The following PRR16 variants were observed in gnomAD, a reference collection of about 807,000 sequenced individuals.
PRR16 encodes the protein proline rich 16.
In PRR16, 6 loss-of-function variants were observed where a neutral mutation model predicts 18.2. The observed-to-expected ratio is 0.33, with a 90% confidence interval of 0.18 to 0.65. PRR16 has a LOEUF of 0.65. Ranked by LOEUF, PRR16 falls within the 30% of genes least tolerant of loss-of-function variation. The pLI is 0.74. For missense variants in PRR16, 412 were observed against 376.6 expected (o/e 1.09, Z -0.78); for synonymous variants, 151 against 147.8 (o/e 1.02, Z -0.16).
At chr5:120,557,756 T>A (rs1752461070) in intron 1 of PRR16, among the ~76,000 whole-genome samples, 1 of 151,934 alleles carries the variant, frequency 6.6e-6, no homozygotes. Flanking sequence ...AAAAGCAATA[T>A]GAACCATATC....
chr5:120,498,468 TTTATA>T (rs2112839053), intron 1 of PRR16, among the ~76,000 whole-genome samples: 1 of 151,590 alleles, frequency 6.6e-6, no homozygotes, highest in South Asian at 2.1e-4. Context: ...CTTTCTTTCA[TTTATA>T]TTATATTTGC....
intron 1 of PRR16, among the ~76,000 whole-genome samples, chr5:120,504,953 G>T (rs1243556222): frequency 6.6e-6 from 1 of 152,134 alleles, no homozygotes; most frequent in Non-Finnish European, 1.5e-5. Context: ...AGGAGGGGTT[G>T]ATAATAGAAG....
the PRR16 span, among the ~76,000 whole-genome samples, chr5:120,765,343 A>C: frequency 2.0e-5 from 3 of 152,052 alleles, no homozygotes; most frequent in Non-Finnish European, 2.9e-5. Flanking sequence ...GTCCCTTGGA[A>C]GTCTCTTACG....
At chr5:120,497,965 G>A (rs537381925) in intron 1 of PRR16, among the ~76,000 whole-genome samples, 152 of 151,532 alleles carry the variant, frequency 1.0e-3, no homozygotes, top group Non-Finnish European at 1.8e-3. Context: ...ACAGAATATA[G>A]TCATCCATTT....
intron 1 of PRR16, among the ~76,000 whole-genome samples, chr5:120,605,572 G>A (rs1038622176): frequency 1.3e-5 from 2 of 152,154 alleles, no homozygotes; most frequent in Admixed American, 6.5e-5. Flanking sequence ...GTGTGGTCAC[G>A]TGGAGGTTAG....
chr5:120,493,364 A>T (rs749682512), intron 1 of PRR16, among the ~76,000 whole-genome samples: 3 of 152,046 alleles, frequency 2.0e-5, no homozygotes, highest in Non-Finnish European at 4.4e-5. Context: ...TTTTTTTGAG[A>T]AATGTGATTG....
At chr5:120,552,679 A>G (rs527580230) in intron 1 of PRR16, among the ~76,000 whole-genome samples, 14 of 152,046 alleles carry the variant, frequency 9.2e-5, no homozygotes, top group Admixed American at 2.6e-4. Context: ...GTTGTGGAGC[A>G]TCCTTGTGGA....
intron 1 of PRR16, among the ~76,000 whole-genome samples, chr5:120,624,472 A>C (rs76991166): frequency 6.6e-6 from 1 of 152,106 alleles, no homozygotes; most frequent in Non-Finnish European, 1.5e-5. Context: ...TCTACTTCTA[A>C]AAGAGATAGC....
At chr5:120,643,182 G>A (rs1246705892) in intron 1 of PRR16, among the ~76,000 whole-genome samples, 3 of 126,532 alleles carry the variant, frequency 2.4e-5, no homozygotes, top group Non-Finnish European at 3.5e-5. Context: ...AGACATACAG[G>A]TTTTCTAAAA....
chr5:120,508,625 A>G (rs754272489), intron 1 of PRR16, among the ~76,000 whole-genome samples: 5 of 152,108 alleles, frequency 3.3e-5, no homozygotes, highest in Non-Finnish European at 7.4e-5. Flanking sequence ...TGTAGGGCTC[A>G]ATCTTCTCCA....
At chr5:120,756,759 T>C in the PRR16 span, among the ~76,000 whole-genome samples, 3 of 152,128 alleles carry the variant, frequency 2.0e-5, 1 homozygote, top group South Asian at 4.1e-4. Flanking sequence ...GTTGACTGCA[T>C]TGATAGTTTC....
At chr5:120,721,589 G>A in the PRR16 span, among the ~76,000 whole-genome samples, 4 of 152,142 alleles carry the variant, frequency 2.6e-5, no homozygotes, top group Admixed American at 6.6e-5. Context: ...AGAAAGAACA[G>A]GGAGGTCAGT....
chr5:120,652,089 A>G (rs1462949313), intron 1 of PRR16, among the ~76,000 whole-genome samples: 1 of 151,982 alleles, frequency 6.6e-6, no homozygotes, highest in Non-Finnish European at 1.5e-5. Flanking sequence ...TTATTTTTAT[A>G]CTTTCAAGTT....
intron 1 of PRR16, among the ~76,000 whole-genome samples, chr5:120,598,310 A>G (rs1753878920): frequency 6.6e-6 from 1 of 151,970 alleles, no homozygotes; most frequent in African/African-American, 2.4e-5. Context: ...AAATAAACTA[A>G]TTAATTAAAA....
At chr5:120,493,971 A>G (rs951981358) in intron 1 of PRR16, among the ~76,000 whole-genome samples, 6 of 152,130 alleles carry the variant, frequency 3.9e-5, no homozygotes, top group African/African-American at 1.4e-4. Context: ...GTTTTGCACT[A>G]TTATTAACAA....
chr5:120,705,497 G>C, the PRR16 span, among the ~76,000 whole-genome samples: 1 of 152,020 alleles, frequency 6.6e-6, no homozygotes, highest in Non-Finnish European at 1.5e-5. Flanking sequence ...TCAGGAAAAT[G>C]ATATTCTTCA....
chr5:120,709,646 C>T, the PRR16 span, among the ~76,000 whole-genome samples: 14 of 152,080 alleles, frequency 9.2e-5, 1 homozygote, highest in Admixed American at 9.2e-4. Flanking sequence ...CTCTTTATTA[C>T]CCTTCCCAGC....
At chr5:120,661,759 A>C (rs1756180622) in intron 1 of PRR16, among the ~76,000 whole-genome samples, 1 of 152,122 alleles carries the variant, frequency 6.6e-6, no homozygotes, top group South Asian at 2.1e-4. Flanking sequence ...GTATTTCCAA[A>C]GTCTGTATTT....
intron 1 of PRR16, among the ~76,000 whole-genome samples, chr5:120,521,249 T>G (rs79465403): frequency 2.0e-5 from 3 of 152,002 alleles, no homozygotes; most frequent in Non-Finnish European, 4.4e-5. Context: ...TGTGTGTGTT[T>G]TTTTTTAATG....
Sources: gnomAD v4.1 joint callset for allele counts (sites outside exome capture counted in the v4.1 genomes callset) on GRCh38, gnomAD v4.1.1 for gene constraint, MANE v1.5 for transcripts, NCBI Gene and HGNC (gene_info 2026-07-23, HGNC 2026-07-21) for gene names.